P4HA1: variants seen among roughly 807,000 people sequenced by gnomAD.
P4HA1 encodes prolyl 4-hydroxylase subunit alpha-1.
P4HA1 carries 24 observed loss-of-function variants against 72.8 expected under a neutral mutation model. The ratio of observed to expected loss-of-function variants is 0.33; its 90% CI spans 0.24 to 0.46. P4HA1 has a LOEUF of 0.46. Ranked by LOEUF, P4HA1 falls within the 20% of genes least tolerant of loss-of-function variation. The probability of loss-of-function intolerance (pLI) is 1.00; values close to 1 mark genes in which losing one functional copy is unlikely to be tolerated. For synonymous variants in P4HA1, 201 were observed against 218.8 expected, an observed-to-expected ratio of 0.92 and a Z score of 0.72; for missense variants, 446 against 640.6, an observed-to-expected ratio of 0.70 and a Z score of 3.28.
Position 73,074,873 on chromosome 10 carries a change from T to G in P4HA1, c.11A>C (p.Tyr4Ser), listed in dbSNP as rs202098231. Residue 4 changes from tyrosine (Y) to serine (S), a missense_variant, in exon 2 of 15, where the codon TAT (tyrosine) becomes TCT (serine). Tyr to Ser is a moderately radical substitution (Grantham distance 144). Coordinates refer to ENST00000394890, the MANE Select transcript of P4HA1 (RefSeq NM_001017962.3). MIW[Y>S]ILIIGILLPQ... ...AAGCAGAATTCCTATAATTAATATA[T>G]ACCAGATCATCTTGGAAGATTTAAT... The G allele has an allele frequency of 6.7e-7, 1 of 1,501,850 alleles. No individual in the cohort carries two copies. Among genetic ancestry groups the G allele is most frequent in the Non-Finnish European group, 9.2e-7 (1 of 1,082,228 alleles). The allele number at this position is 1,501,850 out of a possible 1,614,324, so 93.0% of individuals were successfully genotyped here.
At chr10:73,043,852 A>T in intron 9 of P4HA1, 2 of 1,463,946 alleles carry the variant, frequency 1.4e-6, no homozygotes, top group Admixed American at 3.5e-5. Flanking sequence ...GAAATGGTCC[A>T]AATATGACTA....
At chr10:73,044,069 G>C (rs910004186) in intron 9 of P4HA1, 92 of 633,364 alleles carry the variant, frequency 1.5e-4, no homozygotes, top group Non-Finnish European at 2.4e-4. Flanking sequence ...AGATTGGTCT[G>C]GATGGTGGGT....
At chr10:73,069,722 T>G (rs1225768513) in intron 4 of P4HA1, among the ~76,000 whole-genome samples, 2 of 152,024 alleles carry the variant, frequency 1.3e-5, no homozygotes, top group Non-Finnish European at 2.9e-5. Context: ...AAAATTGGTT[T>G]AAAATTTTAA....
intron 5 of P4HA1, among the ~76,000 whole-genome samples, chr10:73,055,484 G>A (rs1221894679): frequency 1.3e-5 from 2 of 152,230 alleles, no homozygotes; most frequent in African/African-American, 4.8e-5. Context: ...GATTACAGGT[G>A]TGAGCCACTG....
intron 12 of P4HA1, 124 bp downstream of exon 12, chr10:73,014,100 T>C (rs1185142745): frequency 1.5e-6 from 1 of 676,566 alleles, no homozygotes. Flanking sequence ...TAACTCACTT[T>C]ATTCAGTTGT....
At chr10:73,074,747 A>C in intron 2 of P4HA1, 61 bp downstream of exon 2, 1 of 885,802 alleles carries the variant, frequency 1.1e-6, no homozygotes, top group East Asian at 2.4e-5. Context: ...ATTTTAAAAC[A>C]CTAAAAAATG....
chr10:73,052,494 T>C (rs1450984523), intron 6 of P4HA1, among the ~76,000 whole-genome samples: 2 of 152,308 alleles, frequency 1.3e-5, no homozygotes, highest in Non-Finnish European at 2.9e-5. Context: ...TCTGTTTTAA[T>C]AAATTTTCTA....
chr10:73,086,222 T>C (rs1841920833), intron 1 of P4HA1, among the ~76,000 whole-genome samples: 1 of 152,202 alleles, frequency 6.6e-6, no homozygotes, highest in African/African-American at 2.4e-5. Context: ...GCAAAAACTT[T>C]TGCATGAATG....
Position 73,008,126 on chromosome 10 carries a change from G to A in P4HA1, c.*96C>T. 1 of 711,784 alleles carries A rather than the reference G, an allele frequency of 1.4e-6. No individual in the cohort carries two copies. Among genetic ancestry groups the A allele is most frequent in the South Asian group, 1.8e-5 (1 of 55,304 alleles). 44.1% of individuals were successfully genotyped at this position (711,784 alleles called of 1,614,324 possible). The stretch of plus-strand genomic sequence containing the variant: ...TTCATGACTGAATCAATCATGGAGT[G>A]TTAGTCAATTGTAAACTCCTGAAAG... On this transcript the variant is annotated 3_prime_UTR_variant, in exon 15 of 15. Transcript: ENST00000394890.
intron 11 of P4HA1, among the ~76,000 whole-genome samples, chr10:73,015,718 G>A (rs1589573167): frequency 6.6e-6 from 1 of 152,198 alleles, no homozygotes; most frequent in East Asian, 1.9e-4. Flanking sequence ...CTAGTTCCTG[G>A]AGGCACATAC....
chr10:73,033,147 G>A (rs1840478780), intron 9 of P4HA1, among the ~76,000 whole-genome samples: 1 of 152,028 alleles, frequency 6.6e-6, no homozygotes, highest in Admixed American at 6.6e-5. Flanking sequence ...CAATTTGATG[G>A]ATGTCTGAAC....
At chr10:73,096,034 G>T (rs944476529) in intron 1 of P4HA1, among the ~76,000 whole-genome samples, 3 of 152,206 alleles carry the variant, frequency 2.0e-5, no homozygotes, top group African/African-American at 7.2e-5. Context: ...GACAGAGATT[G>T]AGAGAAGAGC....
intron 9 of P4HA1, among the ~76,000 whole-genome samples, chr10:73,036,403 C>G (rs1840577305): frequency 6.6e-6 from 1 of 151,938 alleles, no homozygotes; most frequent in South Asian, 2.1e-4. Flanking sequence ...TAGTAACACT[C>G]CCTTTTTTTT....
At chr10:73,022,769 A>C (rs1423546035) in intron 10 of P4HA1, among the ~76,000 whole-genome samples, 1 of 152,206 alleles carries the variant, frequency 6.6e-6, no homozygotes, top group East Asian at 1.9e-4. Flanking sequence ...CGAATGGCTA[A>C]CTAGAACAAA....
At chr10:73,096,301 T>C (rs1163317505) in intron 1 of P4HA1, among the ~76,000 whole-genome samples, 1 of 152,146 alleles carries the variant, frequency 6.6e-6, no homozygotes, top group African/African-American at 2.4e-5. Flanking sequence ...GCTCCAAGCC[T>C]TAAAATCCGC....
intron 12 of P4HA1, among the ~76,000 whole-genome samples, chr10:73,013,759 A>G (rs1321090263): frequency 6.6e-6 from 1 of 152,130 alleles, no homozygotes; most frequent in Non-Finnish European, 1.5e-5. Flanking sequence ...GTAATATGCT[A>G]TTTCTTCATC....
intron 4 of P4HA1, among the ~76,000 whole-genome samples, chr10:73,071,557 G>C (rs917475549): frequency 2.6e-5 from 4 of 151,972 alleles, no homozygotes; most frequent in African/African-American, 9.7e-5. Context: ...ACTACAAATT[G>C]TATTGTATCA....
At position 73,007,598 on chromosome 10, in the gene P4HA1, G is replaced by A. The variant is rs1344860847; in HGVS notation, c.*624C>T. The stretch of plus-strand genomic sequence containing the variant: ...TTCCATTAAAAAAAAAAAAAAAATC[G>A]AAATATTTTAACTCAAGTACGTTTA... On this transcript the variant is annotated 3_prime_UTR_variant, in exon 15 of 15. Transcript: ENST00000394890. 15 of 149,824 alleles carry A rather than the reference G, an allele frequency of 1.0e-4. No individual in the cohort carries two copies. The highest frequency in any genetic ancestry group is 6.0e-4 in the Admixed American group (9 of 15,030). The allele number at this position is 149,824 out of a possible 1,614,324, so 9.3% of individuals were successfully genotyped here.
At chr10:73,020,087 T>G (rs1449365554) in intron 10 of P4HA1, among the ~76,000 whole-genome samples, 1 of 152,052 alleles carries the variant, frequency 6.6e-6, no homozygotes, top group Admixed American at 6.6e-5. Context: ...AAGTCCCCTC[T>G]GAAGCACATT....
Sources: gnomAD v4.1 joint callset for allele counts (sites outside exome capture counted in the v4.1 genomes callset) on GRCh38, gnomAD v4.1.1 for gene constraint, MANE v1.5 for transcripts, NCBI Gene and HGNC (gene_info 2026-07-23, HGNC 2026-07-21) for gene names.